KCNAB1: variants seen among roughly 807,000 people sequenced by gnomAD.
KCNAB1 encodes potassium voltage-gated channel subfamily A regulatory beta subunit 1.
KCNAB1 carries 35 observed loss-of-function variants against 64.6 expected under a neutral mutation model. That is an observed-to-expected ratio of 0.54 (90% CI 0.41 to 0.72). The LOEUF is 0.72. Ranked by LOEUF, KCNAB1 falls within the 30% of genes least tolerant of loss-of-function variation. The pLI is 0.00. For missense variants in KCNAB1, 401 were observed against 512.9 expected (o/e 0.78, Z 2.11); for synonymous variants, 177 against 183.8 (o/e 0.96, Z 0.30).
At position 156,283,942 on chromosome 3, in the gene KCNAB1, G is replaced by A. The variant is rs1482175880; in HGVS notation, c.276-137674G>A. On this transcript the variant is annotated intron_variant, in intron 1 of 13. Coordinates refer to ENST00000490337, the MANE Select transcript of KCNAB1 (RefSeq NM_172160.3). ...TCCCGTAGCTCAGAGTAATTTGATC[G>A]TCTGAAGCCTTCTTCTCTCAGCTCG... 2.1e-3 allele frequency among the ~76,000 whole-genome samples: 313 copies of A among 151,228 alleles called. 2 individuals carry two copies. The highest frequency in any genetic ancestry group is 7.2e-3 in the African/African-American group (297 of 41,324).
At chr3:156,223,119 T>C (rs1281990548) in intron 1 of KCNAB1, among the ~76,000 whole-genome samples, 1 of 152,194 alleles carries the variant, frequency 6.6e-6, no homozygotes, top group Admixed American at 6.5e-5. Context: ...CCTTCTGCTG[T>C]TCAGATGTGT....
chr3:156,120,556 C>A, upstream of KCNAB1: 1 of 1,599,822 alleles, frequency 6.3e-7, no homozygotes, highest in South Asian at 1.1e-5. Flanking sequence ...GCAGAAAAAT[C>A]AATTCAGATT....
At chr3:156,152,562 A>G (rs918269194) in intron 1 of KCNAB1, among the ~76,000 whole-genome samples, 1 of 152,144 alleles carries the variant, frequency 6.6e-6, no homozygotes, top group Non-Finnish European at 1.5e-5. Flanking sequence ...TTTTGACCCA[A>G]TTGTCTTCTG....
chr3:156,206,992 T>C (rs1398632477), intron 1 of KCNAB1, among the ~76,000 whole-genome samples: 1 of 152,250 alleles, frequency 6.6e-6, no homozygotes, highest in Non-Finnish European at 1.5e-5. Context: ...TGGAAGGCAC[T>C]AGAAATTGAG....
At chr3:156,459,909 T>A (rs771544326) in intron 5 of KCNAB1, 38 bp downstream of exon 5, 1 of 1,486,570 alleles carries the variant, frequency 6.7e-7, no homozygotes, top group Non-Finnish European at 9.3e-7. Context: ...TTTAAAAAGG[T>A]ATTATTTTGC....
At chr3:156,273,172 G>C (rs1399186367) in intron 1 of KCNAB1, among the ~76,000 whole-genome samples, 1 of 151,428 alleles carries the variant, frequency 6.6e-6, no homozygotes, top group Non-Finnish European at 1.5e-5. Flanking sequence ...GAGCTATGCT[G>C]CTTGGGAGTG....
chr3:156,159,912 G>T (rs575869520), intron 1 of KCNAB1, among the ~76,000 whole-genome samples: 72 of 152,338 alleles, frequency 4.7e-4, no homozygotes, highest in Non-Finnish European at 7.8e-4. Context: ...AAAAGACATA[G>T]TTCCTTCTCT....
At chr3:156,428,378 C>T (rs759149368) in intron 2 of KCNAB1, among the ~76,000 whole-genome samples, 40 of 152,048 alleles carry the variant, frequency 2.6e-4, no homozygotes, top group Non-Finnish European at 4.6e-4. Flanking sequence ...TGCCAGCTTT[C>T]GGAGTAGAAC....
intron 1 of KCNAB1, among the ~76,000 whole-genome samples, chr3:156,320,171 T>C (rs1722561668): frequency 6.6e-6 from 1 of 152,236 alleles, no homozygotes; most frequent in South Asian, 2.1e-4. Flanking sequence ...CTAGCTGCAC[T>C]GATAAGAAAA....
chr3:156,452,548 G>A lies in KCNAB1; in HGVS notation c.320-351G>A, dbSNP rs1712085815. ...CTTACCTTCACTTTCAGAACATGTG[G>A]CTTCTTAGCTCAGTGGGAGCAAGAA... On this transcript the variant is annotated intron_variant, in intron 2 of 13. Coordinates refer to ENST00000490337, the MANE Select transcript of KCNAB1 (RefSeq NM_172160.3). The surrounding 1 kb of genome is among the most constrained non-coding windows in gnomAD (Gnocchi z 4.6). Among the ~76,000 whole-genome samples the A allele has an allele frequency of 6.6e-6, 1 of 152,002 alleles. No homozygotes were observed. The highest frequency in any genetic ancestry group is 2.4e-5 in the African/African-American group (1 of 41,266).
chr3:156,285,787 G>A (rs1375906663), intron 1 of KCNAB1, among the ~76,000 whole-genome samples: 2 of 152,218 alleles, frequency 1.3e-5, no homozygotes, highest in African/African-American at 4.8e-5. Flanking sequence ...TTATAGGTAT[G>A]AGCCACCGCA....
chr3:156,418,918 G>C lies in KCNAB1; in HGVS notation c.276-2698G>C, dbSNP rs1715277481. 2.0e-5 allele frequency among the ~76,000 whole-genome samples: 3 copies of C among 152,194 alleles called. No individual in the cohort carries two copies. The South Asian group carries it at 6.2e-4, about 32-fold the overall frequency. On this transcript the variant is annotated intron_variant, in intron 1 of 13. Coordinates refer to ENST00000490337, the MANE Select transcript of KCNAB1 (RefSeq NM_172160.3). ...ACCTATCACCACTATAGCAGTATTA[G>C]TCTGTAACTGAACTTTTCTTACATT...
intron 1 of KCNAB1, among the ~76,000 whole-genome samples, chr3:156,301,925 G>T (rs1721179445): frequency 6.6e-6 from 1 of 152,102 alleles, no homozygotes; most frequent in South Asian, 2.1e-4. Context: ...ACACTGTATT[G>T]GTTTCCTCTT....
At chr3:156,295,379 A>AT (rs1226901166) in intron 1 of KCNAB1, among the ~76,000 whole-genome samples, 2 of 152,292 alleles carry the variant, frequency 1.3e-5, no homozygotes, top group African/African-American at 4.8e-5. Context: ...ATGCCTTATG[A>AT]TTTTTAAAGC....
chr3:156,176,709 C>G, intron 1 of KCNAB1: 2 of 975,094 alleles, frequency 2.1e-6, no homozygotes, highest in Non-Finnish European at 3.4e-6. Flanking sequence ...GTATACTTCC[C>G]CTTCATGTCC....
intron 1 of KCNAB1, among the ~76,000 whole-genome samples, chr3:156,177,387 A>C (rs1369806594): frequency 3.9e-5 from 6 of 151,940 alleles, no homozygotes; most frequent in Non-Finnish European, 8.8e-5. Context: ...TTATTTCTTT[A>C]TTTATTTGAG....
intron 1 of KCNAB1, among the ~76,000 whole-genome samples, chr3:156,224,188 G>A (rs1715991419): frequency 6.6e-6 from 1 of 152,242 alleles, no homozygotes; most frequent in African/African-American, 2.4e-5. Flanking sequence ...CACTGCCTGG[G>A]GTCAGCGGGG....
intron 1 of KCNAB1, among the ~76,000 whole-genome samples, chr3:156,199,710 A>C (rs766994919): frequency 6.6e-6 from 1 of 152,142 alleles, no homozygotes; most frequent in Non-Finnish European, 1.5e-5. Context: ...TCTAGTTAGC[A>C]ATTCTTGTAA....
intron 1 of KCNAB1, among the ~76,000 whole-genome samples, chr3:156,156,154 C>T (rs1212301156): frequency 2.0e-5 from 3 of 152,164 alleles, no homozygotes; most frequent in Admixed American, 6.5e-5. Flanking sequence ...CTTAGGCCCC[C>T]AGATAAACAA....
Sources: gnomAD v4.1 joint callset for allele counts (sites outside exome capture counted in the v4.1 genomes callset) on GRCh38, gnomAD v4.1.1 for gene constraint, Gnocchi (gnomAD v3.1) non-coding constraint, MANE v1.5 for transcripts, NCBI Gene and HGNC (gene_info 2026-07-23, HGNC 2026-07-21) for gene names.